The following EML5 variants were observed in gnomAD, a reference collection of about 807,000 sequenced individuals.
The protein encoded by EML5 is echinoderm microtubule-associated protein-like 5.
EML5 carries 120 observed loss-of-function variants against 250.0 expected under a neutral mutation model. That is an observed-to-expected ratio of 0.48 (90% confidence interval 0.41 to 0.56). The LOEUF is 0.56. Among genes scored for constraint, EML5 ranks in the 20% least tolerant of loss-of-function variants. The probability of loss-of-function intolerance (pLI) is 0.00; values close to 1 mark genes in which losing one functional copy is unlikely to be tolerated. For synonymous variants in EML5, 771 were observed against 806.5 expected, an observed-to-expected ratio of 0.96 and a Z score of 0.75; for missense variants, 2,006 against 2,437.6, an observed-to-expected ratio of 0.82 and a Z score of 3.73.
chr14:88,648,342 T>G (rs1485447085), intron 28 of EML5, among the ~76,000 whole-genome samples: 2 of 152,046 alleles, frequency 1.3e-5, no homozygotes, highest in Non-Finnish European at 2.9e-5. Flanking sequence ...TGAAACAAGA[T>G]TCCCAGAATA....
intron 10 of EML5, 36 bp downstream of exon 10, chr14:88,712,235 G>A (rs772216291): frequency 1.4e-6 from 2 of 1,432,148 alleles, no homozygotes; most frequent in East Asian, 2.3e-5. Flanking sequence ...TCTTCTGTGA[G>A]AGAGAGGTTA....
chr14:88,684,829 ATACAT>A (rs2092795238), intron 20 of EML5, among the ~76,000 whole-genome samples, 181 bp downstream of exon 20: 1 of 152,050 alleles, frequency 6.6e-6, no homozygotes, highest in African/African-American at 2.4e-5. Flanking sequence ...TTTTTTCTGT[ATACAT>A]TAATTTTTTC....
chr14:88,620,787 T>C lies in EML5; in HGVS notation c.5342A>G (p.Lys1781Arg). 1 of 1,606,022 alleles carries C rather than the reference T, an allele frequency of 6.2e-7. No homozygotes were observed. Among genetic ancestry groups the C allele is most frequent in the African/African-American group, 1.3e-5 (1 of 74,500 alleles). Residue 1781 changes from lysine (K) to arginine (R), a missense_variant, in exon 39 of 44, where the codon AAG becomes AGG. Lys to Arg is a conservative substitution (Grantham distance 26). Transcript: ENST00000554922. The surrounding 1 kb of genome is among the most constrained non-coding windows in gnomAD (Gnocchi z 4.3). ...ATGGATTGCACATCTCCTGTCTCTCTTCTTTCCCCATATTTTTAGAGAACT... is the reference window on the plus strand; with the variant it reads ...ATGGATTGCACATCTCCTGTCTCTCCTCTTTCCCCATATTTTTAGAGAACT... ...LVSSLKIWGK[K>R]RDRRCAIHDI...
At chr14:88,705,618 G>C (rs1039615543) in intron 11 of EML5, 30 bp from the exon 12 acceptor site, 1 of 1,470,350 alleles carries the variant, frequency 6.8e-7, no homozygotes, top group Non-Finnish European at 9.3e-7. Context: ...AATGTTACTT[G>C]TTTAAAGAAG....
At chr14:88,717,523 C>G (rs939280987) in intron 8 of EML5, among the ~76,000 whole-genome samples, 2 of 152,124 alleles carry the variant, frequency 1.3e-5, no homozygotes, top group Non-Finnish European at 2.9e-5. Context: ...GTTTGGGAGG[C>G]TGAGGCGGGC....
chr14:88,663,096 C>G lies in EML5; in HGVS notation c.3433G>C (p.Gly1145Arg). The G allele has an allele frequency of 6.5e-7, 1 of 1,546,916 alleles. No homozygotes were observed. Among genetic ancestry groups the G allele is most frequent in the Non-Finnish European group, 8.7e-7 (1 of 1,145,358 alleles). ...TCAAAGAATAATTGTTCCTTAGCACCAGTGTTGACCTGTAAAAGCTTTCCT... is the reference window on the plus strand; with the variant it reads ...TCAAAGAATAATTGTTCCTTAGCACGAGTGTTGACCTGTAAAAGCTTTCCT... ...IRGKLLQVNTGAKEQLFFEAP... is the reference protein window; with the variant it reads ...IRGKLLQVNTRAKEQLFFEAP... Residue 1145 changes from glycine to arginine, a missense_variant, in exon 24 of 44, where the codon GGT (glycine) becomes CGT (arginine). Coordinates refer to ENST00000554922, the MANE Select transcript of EML5 (RefSeq NM_183387.3).
chr14:88,615,811 G>T lies in EML5; in HGVS notation c.*7C>A. 1 of 1,610,596 alleles carries T rather than the reference G, an allele frequency of 6.2e-7. No individual in the cohort carries two copies. Among genetic ancestry groups the T allele is most frequent in the Non-Finnish European group, 8.5e-7 (1 of 1,178,528 alleles). ...AAAGTTAATTTCTGTAGTCATCTCA[G>T]CATCTCTCAGTGAGGTGTATGTACA... On this transcript the variant is annotated 3_prime_UTR_variant, in exon 44 of 44. Coordinates refer to ENST00000554922, the MANE Select transcript of EML5 (RefSeq NM_183387.3).
chr14:88,776,456 G>T (rs1446432731), intron 1 of EML5, among the ~76,000 whole-genome samples: 1 of 151,990 alleles, frequency 6.6e-6, no homozygotes, highest in Non-Finnish European at 1.5e-5. Context: ...TCCTGGAGCT[G>T]AAAAAATACA....
At chr14:88,616,067 G>A in intron 43 of EML5, 75 bp downstream of exon 43, 1 of 1,495,990 alleles carries the variant, frequency 6.7e-7, no homozygotes, top group Non-Finnish European at 9.3e-7. Flanking sequence ...ATAAACCAAA[G>A]CTGTAGGAGT....
intron 43 of EML5, 135 bp from the exon 44 acceptor site, chr14:88,615,989 C>T (rs1465567653): frequency 2.4e-6 from 3 of 1,270,390 alleles, no homozygotes; most frequent in African/African-American, 1.5e-5. Flanking sequence ...TCTGTATTTG[C>T]ATAAATATGA....
chr14:88,697,041 GCTTGA>G (rs1270858991), intron 14 of EML5, 89 bp from the exon 15 acceptor site: 93 of 826,460 alleles, frequency 1.1e-4, no homozygotes, highest in South Asian at 4.8e-4. Flanking sequence ...GATTTTTACA[GCTTGA>G]CTTATTTACC....
Position 88,622,665 on chromosome 14 carries a change from C to A in EML5, c.4952G>T (p.Arg1651Leu), listed in dbSNP as rs370179425. 6.2e-7 allele frequency: 1 copy of A among 1,611,018 alleles called. No homozygotes were observed. Among genetic ancestry groups the A allele is most frequent in the Non-Finnish European group, 8.5e-7 (1 of 1,178,512 alleles). ...TTGTCCTGTCTCAAGCCTGAAGGCA[C>A]GGCACCGCCTCAGTTCCTGATCCCA... The part of the protein sequence containing the change: ...KLWDQELRRC[R>L]AFRLETGQAT... The change falls in exon 37 of 44, where the codon CGT becomes CTT. Residue 1651 changes from arginine to leucine, a missense_variant. Physicochemically the swap from Arg to Leu is moderately radical, Grantham distance 102 (BLOSUM62 -2). Transcript: ENST00000554922.
rs1275044840 is a variant in EML5, at chr14:88,613,808, C to T, written c.*2010G>A. On this transcript the variant is annotated 3_prime_UTR_variant, in exon 44 of 44. Coordinates refer to ENST00000554922, the MANE Select transcript of EML5 (RefSeq NM_183387.3). ...CACAATCAGGAGCTTAGATACTGCA[C>T]ACAAAAATAATTATCTGGGTTAAAA... 1 of 152,188 alleles carries T rather than the reference C, an allele frequency of 6.6e-6. No homozygotes were observed. Among genetic ancestry groups the T allele is most frequent in the African/African-American group, 2.4e-5 (1 of 41,448 alleles). The allele number at this position is 152,188 out of a possible 1,614,324, so 9.4% of individuals were successfully genotyped here. A position where few individuals can be genotyped will look rare whatever the true frequency, so the allele number is the denominator to read the frequency against.
At chr14:88,688,127 CAAAG>C (rs1429432480) in intron 18 of EML5, 140 bp downstream of exon 18, 4 of 777,786 alleles carry the variant, frequency 5.1e-6, no homozygotes, top group Admixed American at 4.7e-5. Context: ...AAAAGAGAAA[CAAAG>C]AAAGGTCAAG....
intron 7 of EML5, among the ~76,000 whole-genome samples, chr14:88,730,713 T>A (rs2093742168): frequency 6.6e-6 from 1 of 152,150 alleles, no homozygotes; most frequent in Non-Finnish European, 1.5e-5. Flanking sequence ...ATAGTCTGCA[T>A]GAAACAACTA....
intron 1 of EML5, among the ~76,000 whole-genome samples, chr14:88,770,899 T>A (rs2094385495): frequency 6.6e-6 from 1 of 152,208 alleles, no homozygotes. Flanking sequence ...AAGAACAGAT[T>A]TTTTTAAAGT....
intron 1 of EML5, among the ~76,000 whole-genome samples, chr14:88,771,511 T>C (rs577038193): frequency 6.6e-6 from 1 of 152,308 alleles, no homozygotes; most frequent in East Asian, 1.9e-4. Flanking sequence ...CATTCAAATA[T>C]ACCCATTAAA....
intron 17 of EML5, among the ~76,000 whole-genome samples, chr14:88,691,011 T>G (rs371371008): frequency 6.6e-6 from 1 of 152,202 alleles, no homozygotes; most frequent in Non-Finnish European, 1.5e-5. Context: ...TCTGCCTCCC[T>G]GGTTTGTGGC....
intron 1 of EML5, among the ~76,000 whole-genome samples, chr14:88,763,303 T>TA (rs1396762483): frequency 6.6e-6 from 1 of 151,216 alleles, no homozygotes; most frequent in African/African-American, 2.4e-5. Flanking sequence ...ATAGACACAA[T>TA]AAAAAATGAT....
Sources: gnomAD v4.1 joint callset for allele counts (sites outside exome capture counted in the v4.1 genomes callset) on GRCh38, gnomAD v4.1.1 for gene constraint, Gnocchi (gnomAD v3.1) non-coding constraint, MANE v1.5 for transcripts, NCBI Gene and HGNC (gene_info 2026-07-23, HGNC 2026-07-21) for gene names.